The following SOX6 variants were observed in gnomAD, a reference collection of about 807,000 sequenced individuals.
SOX6 encodes SRY-box transcription factor 6.
SOX6 carries 11 observed loss-of-function variants against 97.8 expected under a neutral mutation model. That is an observed-to-expected ratio of 0.11 (90% CI 0.07 to 0.19). SOX6 has a LOEUF of 0.19. Ranked by LOEUF, SOX6 falls within the 10% of genes least tolerant of loss-of-function variation. SOX6 has a pLI of 1.00. For missense variants in SOX6, 810 were observed against 1,039.5 expected (o/e 0.78, Z 3.04); for synonymous variants, 360 against 371.4 (o/e 0.97, Z 0.35).
chr11:16,614,771 T>C (rs1848449400), intron 3 of SOX6, among the ~76,000 whole-genome samples: 1 of 152,184 alleles, frequency 6.6e-6, no homozygotes, highest in Non-Finnish European at 1.5e-5. Flanking sequence ...TCCTCAGTCA[T>C]TTCCCTGCTA....
At chr11:16,583,794 G>A (rs1408243000) in intron 4 of SOX6, among the ~76,000 whole-genome samples, 1 of 151,182 alleles carries the variant, frequency 6.6e-6, no homozygotes, top group African/African-American at 2.4e-5. Context: ...GGAATTGCTG[G>A]ATCATATGGT....
chr11:16,417,432 C>T (rs991044449), intron 1 of SOX6, among the ~76,000 whole-genome samples: 1 of 152,176 alleles, frequency 6.6e-6, no homozygotes, highest in Non-Finnish European at 1.5e-5. Context: ...GCATTTACAA[C>T]CCCTCAGCCA....
intron 6 of SOX6, among the ~76,000 whole-genome samples, chr11:16,176,938 G>A (rs1021504845): frequency 4.0e-5 from 6 of 151,876 alleles, no homozygotes; most frequent in East Asian, 3.9e-4. Context: ...CAGTTTCCTC[G>A]TGTAATCTAA....
chr11:15,978,228 T>A (rs1853550118), intron 15 of SOX6, among the ~76,000 whole-genome samples: 1 of 152,072 alleles, frequency 6.6e-6, no homozygotes, highest in Admixed American at 6.6e-5. Context: ...TTGATATCCT[T>A]TAAAGCAAAA....
chr11:16,146,728 T>A, intron 6 of SOX6, among the ~76,000 whole-genome samples: 1 of 152,200 alleles, frequency 6.6e-6, no homozygotes, highest in Non-Finnish European at 1.5e-5. Flanking sequence ...AAGACTTTTA[T>A]GCAGCCAACA....
chr11:16,651,912 T>C (rs1564859640), intron 3 of SOX6, among the ~76,000 whole-genome samples: 3 of 151,372 alleles, frequency 2.0e-5, no homozygotes, highest in African/African-American at 7.3e-5. Flanking sequence ...ATCTGATAAG[T>C]AAAGCTTCAG....
At chr11:16,273,005 G>A (rs1854301149) in intron 3 of SOX6, among the ~76,000 whole-genome samples, 1 of 151,828 alleles carries the variant, frequency 6.6e-6, no homozygotes, top group African/African-American at 2.4e-5. Context: ...TTAGATAGAT[G>A]TATTATTGAA....
Position 16,643,422 on chromosome 11 carries a change from C to A in SOX6, n.430-31162G>T, listed in dbSNP as rs533771992. Among the ~76,000 whole-genome samples the A allele has an allele frequency of 3.0e-4, 45 of 152,302 alleles. 1 individual carries two copies. The South Asian group carries it at 3.9e-3, about 13-fold the overall frequency. On this transcript the variant is annotated intron_variant and non_coding_transcript_variant, in intron 3 of 5. Transcript: ENST00000524520. ...GATCTCAAGCTGTGTGCTGGGAGAA[C>A]CACCACTGTCTTCCAAGCTGCCAGA... is the stretch of plus-strand genomic sequence containing the variant.
At position 16,583,636 on chromosome 11, in the gene SOX6, T is replaced by TATAC. The variant is rs1385821722; in HGVS notation, n.609+28444_609+28445insGTAT. Reference sequence around the variant, plus strand: ...ATACATATATATATATATATATATATACACATACACACACCACATTTTCTT... The same window carrying TATAC: ...ATACATATATATATATATATATATATATACACACATACACACACCACATTTTCTT... On this transcript the variant is annotated intron_variant and non_coding_transcript_variant, in intron 4 of 5. Coordinates refer to the SOX6 transcript ENST00000524520. Among the ~76,000 whole-genome samples the TATAC allele has an allele frequency of 3.1e-4, 27 of 87,116 alleles. No homozygotes were observed. In the East Asian group the frequency reaches 5.1e-3, roughly 16 times the overall value. 57.2% of individuals were successfully genotyped at this position (87,116 alleles called of 152,430 possible).
intron 6 of SOX6, among the ~76,000 whole-genome samples, chr11:16,176,070 C>CGGAT (rs71826187): frequency 0.25 from 36,382 of 148,282 alleles, 5,331 homozygotes; most frequent in Non-Finnish European, 0.35. Flanking sequence ...GACGGACGGA[C>CGGAT]GGATGGATGG....
intron 4 of SOX6, among the ~76,000 whole-genome samples, chr11:16,493,264 A>G (rs1860538851): frequency 6.6e-6 from 1 of 152,238 alleles, no homozygotes; most frequent in Non-Finnish European, 1.5e-5. Flanking sequence ...AAAATGAGCA[A>G]ATTACTGCTA....
intron 3 of SOX6, among the ~76,000 whole-genome samples, chr11:16,273,620 T>C (rs1441753871): frequency 6.6e-6 from 1 of 151,726 alleles, no homozygotes; most frequent in African/African-American, 2.4e-5. Context: ...TCTAAGGAGA[T>C]AAGGCAAAGA....
intron 3 of SOX6, among the ~76,000 whole-genome samples, chr11:16,258,931 T>C (rs1189168140): frequency 6.6e-6 from 1 of 151,730 alleles, no homozygotes; most frequent in Non-Finnish European, 1.5e-5. Context: ...TATATGTATG[T>C]ATAGAAACTC....
rs539548242 is a variant in SOX6 at position 15,998,136 on chromosome 11, A to G, written c.1733-8906T>C. 2.5e-4 allele frequency among the ~76,000 whole-genome samples: 38 copies of G among 151,494 alleles called. No homozygotes were observed. The South Asian group carries it at 7.3e-3, about 29-fold the overall frequency. ...TAAAATAAAAAATAAAAAGCATACAAATTATAAAGGAATAAATAATGTCAT... is the reference window on the plus strand; with the variant it reads ...TAAAATAAAAAATAAAAAGCATACAGATTATAAAGGAATAAATAATGTCAT... On this transcript the variant is annotated intron_variant, in intron 13 of 15. Transcript: ENST00000683767.
chr11:15,982,699 TAC>T (rs1853699730), intron 15 of SOX6, among the ~76,000 whole-genome samples: 1 of 152,102 alleles, frequency 6.6e-6, no homozygotes. Context: ...AGATGTTCCA[TAC>T]AGATGCAACC....
At chr11:16,570,034 C>T (rs1188390762) in intron 4 of SOX6, among the ~76,000 whole-genome samples, 1 of 152,042 alleles carries the variant, frequency 6.6e-6, no homozygotes, top group Non-Finnish European at 1.5e-5. Context: ...ACAAAACTCA[C>T]TCATTTTGAG....
intron 1 of SOX6, among the ~76,000 whole-genome samples, chr11:16,369,346 T>C (rs192211725): frequency 6.6e-6 from 1 of 152,168 alleles, no homozygotes; most frequent in Non-Finnish European, 1.5e-5. Flanking sequence ...TCTCCCTTAC[T>C]CTAATCTCTA....
At chr11:16,441,575 TTCTTAAGAATGCATA>T (rs1337219823) in intron 1 of SOX6, among the ~76,000 whole-genome samples, 2 of 152,192 alleles carry the variant, frequency 1.3e-5, no homozygotes, top group African/African-American at 2.4e-5. Context: ...TATTCAGAAT[TTCTTAAGAATGCATA>T]TCTTAAGAAT....
chr11:16,320,678 A>AT (rs1855893876), intron 2 of SOX6, among the ~76,000 whole-genome samples: 1 of 152,274 alleles, frequency 6.6e-6, no homozygotes, highest in Non-Finnish European at 1.5e-5. Context: ...AAAAATGTTC[A>AT]TGAGTCTCCA....
Sources: gnomAD v4.1 joint callset for allele counts (sites outside exome capture counted in the v4.1 genomes callset) on GRCh38, gnomAD v4.1.1 for gene constraint, MANE v1.5 for transcripts, NCBI Gene and HGNC (gene_info 2026-07-23, HGNC 2026-07-21) for gene names.